Variants in AP2B1 observed in about 807,000 individuals in gnomAD.
AP2B1 encodes adaptor related protein complex 2 subunit beta 1.
AP2B1 carries 23 observed loss-of-function variants against 102.0 expected under a neutral mutation model. The ratio of observed to expected loss-of-function variants is 0.23; its 90% CI spans 0.16 to 0.32. The LOEUF (loss-of-function observed/expected upper bound fraction) is 0.32, where lower values mean the gene tolerates loss of function less well. Among genes scored for constraint, AP2B1 ranks in the 10% least tolerant of loss-of-function variants. The probability of loss-of-function intolerance (pLI) is 1.00; values close to 1 mark genes in which losing one functional copy is unlikely to be tolerated. For missense variants in AP2B1, 541 were observed against 1,157.4 expected (o/e 0.47, Z 7.73); for synonymous variants, 381 against 421.2 (o/e 0.90, Z 1.17).
rs55983280 is a variant in AP2B1, at chr17:35,700,634, T to C, written c.2455-8590T>C. ...CAGAGTTCAGACTGAGTTCATGTTA[T>C]ACCTTTTTATAGTACTTTTGAGTAT... On this transcript the variant is annotated intron_variant, in intron 18 of 21. Coordinates refer to ENST00000610402, the MANE Select transcript of AP2B1 (RefSeq NM_001030006.2). 8.6e-3 allele frequency among the ~76,000 whole-genome samples: 1,317 copies of C among 152,266 alleles called. 11 individuals carry two copies. The highest frequency in any genetic ancestry group is 0.014 in the Non-Finnish European group (949 of 68,014).
Position 35,648,174 on chromosome 17 carries a change from A to G in AP2B1, c.1537-2356A>G, listed in dbSNP as rs150913543. Reference sequence around the variant, plus strand: ...CATCATATAGACATACTTTTGAGGTAGGTACCAGGATATTTATTGCCACTT... The same window carrying G: ...CATCATATAGACATACTTTTGAGGTGGGTACCAGGATATTTATTGCCACTT... On this transcript the variant is annotated intron_variant, in intron 12 of 21. Transcript: ENST00000610402. Among the ~76,000 whole-genome samples the G allele has an allele frequency of 4.6e-5, 7 of 152,316 alleles. No individual in the cohort carries two copies. The East Asian group carries it at 7.7e-4, about 17-fold the overall frequency.
chr17:35,592,751 G>A (rs1322033996), intron 1 of AP2B1, among the ~76,000 whole-genome samples: 3 of 152,026 alleles, frequency 2.0e-5, no homozygotes, highest in South Asian at 2.1e-4. Flanking sequence ...CCATGTTGGC[G>A]AGGCTGGTCT....
chr17:35,684,372 C>T (rs1332531258), intron 18 of AP2B1, among the ~76,000 whole-genome samples: 2 of 152,104 alleles, frequency 1.3e-5, no homozygotes, highest in African/African-American at 4.8e-5. Context: ...AGGTGGGATC[C>T]CATTGTTTAA....
chr17:35,611,545 G>A (rs914962353), intron 5 of AP2B1, among the ~76,000 whole-genome samples: 4 of 152,108 alleles, frequency 2.6e-5, no homozygotes, highest in African/African-American at 9.7e-5. Context: ...CAGATAAACC[G>A]AGAAGAATAA....
At chr17:35,656,801 C>T (rs1858825199) in intron 13 of AP2B1, among the ~76,000 whole-genome samples, 4 of 149,512 alleles carry the variant, frequency 2.7e-5, no homozygotes, top group South Asian at 4.3e-4. Context: ...AGGAGAATGG[C>T]GTGAACCTGG....
chr17:35,710,260 A>G lies in AP2B1; in HGVS notation c.2566A>G (p.Lys856Glu), dbSNP rs1555586854. Residue 856 changes from lysine (K) to glutamate (E), a missense_variant, in exon 20 of 22, where the codon AAG becomes GAG. Lys to Glu is a moderately conservative substitution (Grantham distance 56). Transcript: ENST00000610402. ...GCGCCAGGTCTTCCTTGCAACATGG[A>G]AGGATATTCCCAATGAAAATGAACT... ...MERQVFLATWKDIPNENELQF... is the reference protein window; with the variant it reads ...MERQVFLATWEDIPNENELQF... The G allele has an allele frequency of 6.2e-7, 1 of 1,613,670 alleles. No individual in the cohort carries two copies. The highest frequency in any genetic ancestry group is 2.2e-5 in the East Asian group (1 of 44,886).
chr17:35,701,522 C>G (rs754098444), intron 18 of AP2B1, among the ~76,000 whole-genome samples: 1 of 152,202 alleles, frequency 6.6e-6, no homozygotes, highest in Non-Finnish European at 1.5e-5. Flanking sequence ...CCCCATGCCT[C>G]CTTCACAGTA....
At chr17:35,694,256 T>G (rs1235087796) in intron 18 of AP2B1, among the ~76,000 whole-genome samples, 1 of 152,116 alleles carries the variant, frequency 6.6e-6, no homozygotes, top group South Asian at 2.1e-4. Context: ...TTTGTTTGTT[T>G]TTTTTCAGTC....
At chr17:35,597,786 T>A (rs562578654) in intron 2 of AP2B1, among the ~76,000 whole-genome samples, 2 of 152,232 alleles carry the variant, frequency 1.3e-5, no homozygotes, top group East Asian at 1.9e-4. Context: ...ACTTTGTCAC[T>A]GACTCTGTGA....
intron 17 of AP2B1, among the ~76,000 whole-genome samples, chr17:35,676,209 T>C (rs2075698525): frequency 6.6e-6 from 1 of 152,216 alleles, no homozygotes; most frequent in South Asian, 2.1e-4. Context: ...TCATAATTGG[T>C]GGTGATTGCA....
chr17:35,682,681 ATCC>A lies in AP2B1; in HGVS notation c.2325-11_2325-9del. ...CTTGATTAACCTCTGTGATTTATGTATCCTCTCTTCTAGCTTTGGTGTCATCCC... is the reference window on the plus strand; with the variant it reads ...CTTGATTAACCTCTGTGATTTATGTATCTCTTCTAGCTTTGGTGTCATCCC... On this transcript the variant is annotated splice_polypyrimidine_tract_variant and intron_variant, in intron 17 of 21. Transcript: ENST00000610402. 6.2e-7 allele frequency: 1 copy of A among 1,601,824 alleles called. No individual in the cohort carries two copies. The highest frequency in any genetic ancestry group is 2.3e-5 in the East Asian group (1 of 44,172).
At chr17:35,621,341 A>T in intron 5 of AP2B1, 1 of 985,398 alleles carries the variant, frequency 1.0e-6, no homozygotes, top group Non-Finnish European at 1.2e-6. Context: ...CTTACGGACC[A>T]GGAAAACTGA....
rs1296316555 is a variant in AP2B1, at chr17:35,641,982, A to T, written c.1536+7A>T. 1 of 1,599,214 alleles carries T rather than the reference A, an allele frequency of 6.3e-7. No individual in the cohort carries two copies. Among genetic ancestry groups the T allele is most frequent in the African/African-American group, 1.3e-5 (1 of 74,824 alleles). On this transcript the variant is annotated splice_region_variant and intron_variant, in intron 12 of 21. Coordinates refer to ENST00000610402, the MANE Select transcript of AP2B1 (RefSeq NM_001030006.2). Reference sequence around the variant, plus strand: ...CTTGAGTTTGGCAACACAGGTAAGAAATCTGGAAAAAGCAAGATGTTGATT... The same window carrying T: ...CTTGAGTTTGGCAACACAGGTAAGATATCTGGAAAAAGCAAGATGTTGATT...
intron 20 of AP2B1, among the ~76,000 whole-genome samples, chr17:35,716,717 A>G (rs1465718641): frequency 6.6e-6 from 1 of 152,170 alleles, no homozygotes; most frequent in Non-Finnish European, 1.5e-5. Context: ...ATGGCTCACA[A>G]TGAAGTAGTA....
At chr17:35,631,408 A>T (rs1270864838) in intron 9 of AP2B1, among the ~76,000 whole-genome samples, 5 of 152,188 alleles carry the variant, frequency 3.3e-5, no homozygotes, top group African/African-American at 1.2e-4. Context: ...CGCTTTCCCC[A>T]TCTTCTGTTT....
chr17:35,631,588 C>G (rs960258508), intron 9 of AP2B1, among the ~76,000 whole-genome samples: 5 of 151,682 alleles, frequency 3.3e-5, no homozygotes, highest in Admixed American at 6.6e-5. Flanking sequence ...CTAGTAATAT[C>G]ATGGACATTG....
At position 35,726,155 on chromosome 17, in the gene AP2B1, AAG is replaced by A. The variant is rs2085512786; in HGVS notation, c.*2459_*2460del. The A allele has an allele frequency of 6.6e-6, 1 of 152,100 alleles. No homozygotes were observed. The highest frequency in any genetic ancestry group is 1.5e-5 in the Non-Finnish European group (1 of 68,014). 9.4% of individuals were successfully genotyped at this position (152,100 alleles called of 1,614,324 possible). ...TTGTAATGTCAGCTGGCATCATACA[AAG>A]AGCAGGAGAAGCAAACACCCAGAAC... is the stretch of plus-strand genomic sequence containing the variant. On this transcript the variant is annotated 3_prime_UTR_variant, in exon 22 of 22. Transcript: ENST00000610402.
At chr17:35,635,632 T>C (rs1219795472) in intron 9 of AP2B1, among the ~76,000 whole-genome samples, 1 of 152,142 alleles carries the variant, frequency 6.6e-6, no homozygotes, top group Admixed American at 6.5e-5. Flanking sequence ...TCCAGCTGCC[T>C]CGGCCTCCCA....
intron 21 of AP2B1, among the ~76,000 whole-genome samples, chr17:35,719,776 G>T (rs1555591841): frequency 6.6e-6 from 1 of 152,268 alleles, no homozygotes; most frequent in African/African-American, 2.4e-5. Context: ...TGGGAGGATC[G>T]CTTGAGGACA....
Sources: gnomAD v4.1 joint callset for allele counts (sites outside exome capture counted in the v4.1 genomes callset) on GRCh38, gnomAD v4.1.1 for gene constraint, MANE v1.5 for transcripts, NCBI Gene and HGNC (gene_info 2026-07-23, HGNC 2026-07-21) for gene names.